The following DNAL1 variants were observed in gnomAD, a reference collection of about 807,000 sequenced individuals.
DNAL1 encodes chromosome 14 open reading frame 168.
Under a neutral mutation model 29.4 loss-of-function variants are expected in DNAL1, and 17 were observed. That is an observed-to-expected ratio of 0.58 (90% confidence interval 0.40 to 0.87). The LOEUF is 0.87. Among genes scored for constraint, DNAL1 ranks in the 40% least tolerant of loss-of-function variants. The pLI is 0.00. For missense variants in DNAL1, 188 were observed against 214.1 expected (o/e 0.88, Z 0.76); for synonymous variants, 78 against 76.3 (o/e 1.02, Z -0.12).
At chr14:73,681,203 G>A (rs1198634819) in intron 5 of DNAL1, among the ~76,000 whole-genome samples, 2 of 150,922 alleles carry the variant, frequency 1.3e-5, no homozygotes, top group African/African-American at 2.4e-5. Flanking sequence ...GCACCCTGTC[G>A]GCTCACTGCA....
Position 73,696,042 on chromosome 14 carries a change from A to C in DNAL1, c.*100A>C, listed in dbSNP as rs1892292872. 1.9e-5 allele frequency: 21 copies of C among 1,125,060 alleles called. 1 individual carries two copies. The South Asian group carries it at 3.3e-4, about 18-fold the overall frequency. The allele number at this position is 1,125,060 out of a possible 1,614,324, so 69.7% of individuals were successfully genotyped here. On this transcript the variant is annotated 3_prime_UTR_variant, in exon 8 of 8. Transcript: ENST00000553645. ...TTTTAAAGATTCTGTATGGGACAAA[A>C]GTTTCTTAAGATAAAACAGATCACT...
chr14:73,652,300 G>A (rs1191870616), intron 1 of DNAL1, among the ~76,000 whole-genome samples: 1 of 152,102 alleles, frequency 6.6e-6, no homozygotes, highest in Non-Finnish European at 1.5e-5. Flanking sequence ...GTCTTGCTCT[G>A]TTGCCCAGGA....
chr14:73,694,984 C>T lies in DNAL1; in HGVS notation c.533-918C>T, dbSNP rs7155554. ...GATTACAGGCGTGAGCCACCGCGCC[C>T]GGCCCATAGAAAGCTTTTAACATGT... is the stretch of plus-strand genomic sequence containing the variant. On this transcript the variant is annotated intron_variant, in intron 7 of 7. Coordinates refer to ENST00000553645, the MANE Select transcript of DNAL1 (RefSeq NM_031427.4). Among the ~76,000 whole-genome samples the T allele has an allele frequency of 4.1e-3, 627 of 151,132 alleles. 2 individuals carry two copies. Among genetic ancestry groups the T allele is most frequent in the African/African-American group, 0.014 (596 of 41,248 alleles).
At chr14:73,694,720 T>A (rs1196437313) in intron 7 of DNAL1, among the ~76,000 whole-genome samples, 1 of 151,784 alleles carries the variant, frequency 6.6e-6, no homozygotes, top group Non-Finnish European at 1.5e-5. Context: ...GATGGAGTCT[T>A]GCTCTGTCGC....
At chr14:73,664,220 A>G (rs1271651824) in intron 4 of DNAL1, among the ~76,000 whole-genome samples, 1 of 152,190 alleles carries the variant, frequency 6.6e-6, no homozygotes, top group African/African-American at 2.4e-5. Flanking sequence ...TCCAAGGACC[A>G]GCCTTAACTG....
rs958990832 is a variant in DNAL1, at chr14:73,702,495, G to A, written c.*6553G>A. ...TTCTTAGTAGGTTTTTTTCTCCCAG[G>A]CTTGTAACTCTTCCCCAGTTCTTTG... is the stretch of plus-strand genomic sequence containing the variant. On this transcript the variant is annotated 3_prime_UTR_variant, in exon 8 of 8. Transcript: ENST00000553645. 6 of 151,790 alleles carry A rather than the reference G, an allele frequency of 4.0e-5. No individual in the cohort carries two copies. The highest frequency in any genetic ancestry group is 9.7e-5 in the African/African-American group (4 of 41,278). 9.4% of individuals were successfully genotyped at this position (151,790 alleles called of 1,614,324 possible).
At position 73,672,666 on chromosome 14, in the gene DNAL1, A is replaced by G. The variant is rs1891644260; in HGVS notation, c.264+1069A>G. Among the ~76,000 whole-genome samples the G allele has an allele frequency of 4.6e-5, 7 of 151,840 alleles. 1 individual carries two copies. The South Asian group carries it at 1.5e-3, about 32-fold the overall frequency. On this transcript the variant is annotated intron_variant, in intron 5 of 7. Coordinates refer to ENST00000553645, the MANE Select transcript of DNAL1 (RefSeq NM_031427.4). ...TCAGATTCTGGGATTAAATAAAGGA[A>G]GTTTCCTAACCCAAAATAATAACCA... is the stretch of plus-strand genomic sequence containing the variant.
intron 1 of DNAL1, among the ~76,000 whole-genome samples, chr14:73,647,390 AAAAG>A (rs1891005933): frequency 6.6e-6 from 1 of 151,332 alleles, no homozygotes; most frequent in South Asian, 2.1e-4. Context: ...AAGAAAAAGA[AAAAG>A]AAAAAGAAAT....
chr14:73,652,645 A>C (rs1891136328), intron 1 of DNAL1, among the ~76,000 whole-genome samples: 1 of 152,060 alleles, frequency 6.6e-6, no homozygotes, highest in Admixed American at 6.6e-5. Context: ...TTAAGAACCA[A>C]CTTTTAGTTT....
chr14:73,691,909 G>A (rs1192796030), intron 7 of DNAL1, among the ~76,000 whole-genome samples: 2 of 150,186 alleles, frequency 1.3e-5, no homozygotes, highest in African/African-American at 4.9e-5. Context: ...TGTTGGCCAG[G>A]ATGGTTTTGA....
intron 1 of DNAL1, chr14:73,651,450 C>G (rs1354388131): frequency 6.6e-6 from 1 of 152,210 alleles, no homozygotes; most frequent in Non-Finnish European, 1.5e-5. Flanking sequence ...CCCTTGAAAG[C>G]TTAGTAGAAC....
rs1892444017 is a variant in DNAL1, at chr14:73,701,868, A to G, written c.*5926A>G. 1 of 152,182 alleles carries G rather than the reference A, an allele frequency of 6.6e-6. No individual in the cohort carries two copies. Among genetic ancestry groups the G allele is most frequent in the African/African-American group, 2.4e-5 (1 of 41,436 alleles). The allele number at this position is 152,182 out of a possible 1,614,324, so 9.4% of individuals were successfully genotyped here. The stretch of plus-strand genomic sequence containing the variant: ...TTATGACTAAACTTATTGTGAATTA[A>G]GTTATTTAGAAATGTTGAGTTTCTG... On this transcript the variant is annotated 3_prime_UTR_variant, in exon 8 of 8. Transcript: ENST00000553645.
chr14:73,652,482 C>A (rs1170476321), intron 1 of DNAL1, among the ~76,000 whole-genome samples: 1 of 151,990 alleles, frequency 6.6e-6, no homozygotes, highest in Non-Finnish European at 1.5e-5. Flanking sequence ...CACTGCCTTG[C>A]CCAGGCTGGT....
intron 1 of DNAL1, among the ~76,000 whole-genome samples, chr14:73,650,169 T>C (rs1478752218): frequency 6.6e-6 from 1 of 152,046 alleles, no homozygotes; most frequent in African/African-American, 2.4e-5. Context: ...TCTTTATTTT[T>C]TGTAGAGATG....
At chr14:73,684,076 T>G (rs972526763) in intron 5 of DNAL1, among the ~76,000 whole-genome samples, 1 of 152,240 alleles carries the variant, frequency 6.6e-6, no homozygotes, top group African/African-American at 2.4e-5. Context: ...GATGTGTCAC[T>G]TAACATAATG....
At chr14:73,683,195 A>G (rs1288767562) in intron 5 of DNAL1, among the ~76,000 whole-genome samples, 2 of 152,094 alleles carry the variant, frequency 1.3e-5, no homozygotes, top group Middle Eastern at 3.2e-3. Context: ...CTTTTTTTTA[A>G]TAAGTAGAAG....
intron 6 of DNAL1, among the ~76,000 whole-genome samples, chr14:73,687,790 G>A (rs149029712): frequency 0.035 from 5,356 of 152,038 alleles, 344 homozygotes; most frequent in African/African-American, 0.12. Flanking sequence ...GGAAAATGGC[G>A]TGAACCCGGG....
Position 73,654,899 on chromosome 14 carries a change from T to A in DNAL1, c.42+14T>A, listed in dbSNP as rs1243265053. Reference sequence around the variant, plus strand: ...TTAGCGAGATGGGTGAGTACATGAGTTTTTCCTTCTTTTAGAAACTGTACA... The same window carrying A: ...TTAGCGAGATGGGTGAGTACATGAGATTTTCCTTCTTTTAGAAACTGTACA... On this transcript the variant is annotated intron_variant, in intron 2 of 7. Coordinates refer to ENST00000553645, the MANE Select transcript of DNAL1 (RefSeq NM_031427.4). 1 of 1,542,040 alleles carries A rather than the reference T, an allele frequency of 6.5e-7. No individual in the cohort carries two copies. Among genetic ancestry groups the A allele is most frequent in the Non-Finnish European group, 8.7e-7 (1 of 1,144,288 alleles).
At position 73,699,287 on chromosome 14, in the gene DNAL1, C is replaced by T. The variant is rs1308609915; in HGVS notation, c.*3345C>T. 1 of 151,580 alleles carries T rather than the reference C, an allele frequency of 6.6e-6. No homozygotes were observed. The highest frequency in any genetic ancestry group is 1.5e-5 in the Non-Finnish European group (1 of 67,936). The allele number at this position is 151,580 out of a possible 1,614,324, so 9.4% of individuals were successfully genotyped here. A position where few individuals can be genotyped will look rare whatever the true frequency, so the allele number is the denominator to read the frequency against. On this transcript the variant is annotated 3_prime_UTR_variant, in exon 8 of 8. Coordinates refer to ENST00000553645, the MANE Select transcript of DNAL1 (RefSeq NM_031427.4). The stretch of plus-strand genomic sequence containing the variant: ...AATCATGGATGGAAAGAAATGGTCA[C>T]TGGTATTTTTTGTAATGCTCATTTT...
Sources: allele counts gnomAD v4.1 joint callset (sites outside exome capture counted in the v4.1 genomes callset), GRCh38; gene constraint gnomAD v4.1.1; transcripts MANE v1.5; gene names NCBI Gene and HGNC (gene_info 2026-07-23, HGNC 2026-07-21).